The following PTPN21 variants were observed in gnomAD, a reference collection of about 807,000 sequenced individuals.
PTPN21 encodes protein tyrosine phosphatase non-receptor type 21, also known as tyrosine-protein phosphatase non-receptor type 21.
In PTPN21, 77 loss-of-function variants were observed where a neutral mutation model predicts 131.8. The observed-to-expected ratio is 0.58, with a 90% CI of 0.49 to 0.71. The LOEUF is 0.71. Ranked by LOEUF, PTPN21 falls within the 30% of genes least tolerant of loss-of-function variation. The pLI is 0.00. For missense variants in PTPN21, 1,552 were observed against 1,527.1 expected, an observed-to-expected ratio of 1.02 and a Z score of -0.27; for synonymous variants, 715 against 621.3, an observed-to-expected ratio of 1.15 and a Z score of -2.24.
intron 8 of PTPN21, 135 bp from the exon 9 acceptor site, chr14:88,497,425 A>G (rs2140125233): frequency 1.4e-6 from 1 of 689,888 alleles, no homozygotes; most frequent in Non-Finnish European, 2.5e-6. Flanking sequence ...CAAAAAACAA[A>G]AAACACGAGA....
chr14:88,490,166 G>A (rs910271016), intron 10 of PTPN21, among the ~76,000 whole-genome samples: 1 of 151,928 alleles, frequency 6.6e-6, no homozygotes, highest in South Asian at 2.1e-4. Flanking sequence ...CCGCCACCAC[G>A]CCAGGCTAAG....
chr14:88,520,913 G>A (rs2139321031), intron 2 of PTPN21, among the ~76,000 whole-genome samples: 1 of 152,162 alleles, frequency 6.6e-6, no homozygotes, highest in Non-Finnish European at 1.5e-5. Flanking sequence ...ACATGATCAC[G>A]GCTCACTGCA....
At chr14:88,533,514 C>T (rs999280747) in intron 2 of PTPN21, among the ~76,000 whole-genome samples, 68 of 152,204 alleles carry the variant, frequency 4.5e-4, no homozygotes, top group African/African-American at 1.5e-3. Flanking sequence ...TAACACTGGA[C>T]GATAATAAAT....
At chr14:88,473,120 A>G (rs887986516) in intron 14 of PTPN21, among the ~76,000 whole-genome samples, 18 of 152,124 alleles carry the variant, frequency 1.2e-4, no homozygotes, top group African/African-American at 4.3e-4. Context: ...CTATGAACAA[A>G]TGTTTCCATT....
In PTPN21 at chr14:88,470,032, C is replaced by G. The variant is rs747979607; in HGVS notation, c.2890G>C (p.Glu964Gln). 1.9e-6 allele frequency: 3 copies of G among 1,613,136 alleles called. No individual in the cohort carries two copies. Among genetic ancestry groups the G allele is most frequent in the Non-Finnish European group, 8.5e-7 (1 of 1,179,236 alleles). Residue 964 changes from glutamate to glutamine, a missense_variant, in exon 16 of 19, where the codon GAA becomes CAA. Physicochemically the swap from Glu to Gln is conservative, Grantham distance 29 (BLOSUM62 2). Coordinates refer to ENST00000556564, the MANE Select transcript of PTPN21 (RefSeq NM_007039.4). Reference protein sequence around the residue: ...SHIKVSVSGIEWDYIATQGPL... With the variant: ...SHIKVSVSGIQWDYIATQGPL... ...CCCTGTGTGGCAATATAATCCCATTCGATTCCACTGACAGAGACCTGGGAT... is the reference window on the plus strand; with the variant it reads ...CCCTGTGTGGCAATATAATCCCATTGGATTCCACTGACAGAGACCTGGGAT...
chr14:88,471,156 TG>T (rs1177130924), intron 15 of PTPN21, among the ~76,000 whole-genome samples: 1 of 152,192 alleles, frequency 6.6e-6, no homozygotes, highest in East Asian at 1.9e-4. Context: ...CAAGGGGTAC[TG>T]GCATTCACAG....
intron 2 of PTPN21, among the ~76,000 whole-genome samples, chr14:88,530,237 T>G (rs996105746): frequency 3.6e-5 from 5 of 138,016 alleles, no homozygotes; most frequent in Non-Finnish European, 6.8e-5. Context: ...TGAAACAATT[T>G]GCCACTACCA....
chr14:88,533,609 G>A (rs2078584281), intron 2 of PTPN21, among the ~76,000 whole-genome samples: 1 of 152,172 alleles, frequency 6.6e-6, no homozygotes, highest in Admixed American at 6.5e-5. Context: ...TAGGCCAGGT[G>A]CAGTAGCTCC....
intron 8 of PTPN21, among the ~76,000 whole-genome samples, chr14:88,497,602 T>C (rs1165015095): frequency 1.3e-5 from 2 of 151,320 alleles, no homozygotes; most frequent in Admixed American, 1.3e-4. Context: ...ACCCCGTCTC[T>C]ACTAAAAATA....
intron 13 of PTPN21, among the ~76,000 whole-genome samples, chr14:88,477,887 G>C (rs1293588540): frequency 6.6e-6 from 1 of 152,172 alleles, no homozygotes; most frequent in Admixed American, 6.5e-5. Flanking sequence ...GAGTTTAAAA[G>C]TTTCAGTGAA....
Position 88,550,217 on chromosome 14 carries a change from CA to C in PTPN21, c.180+20del, listed in dbSNP as rs1555391236. The C allele has an allele frequency of 6.2e-7, 1 of 1,606,970 alleles. No individual in the cohort carries two copies. Among genetic ancestry groups the C allele is most frequent in the Non-Finnish European group, 8.5e-7 (1 of 1,177,318 alleles). On this transcript the variant is annotated intron_variant, in intron 2 of 18. Transcript: ENST00000556564. ...GCTTGAGCCACCCGCGCCTGGCCTGCAGTGTCTTTAGGTGGCTTACCTCCCG... is the reference window on the plus strand; with the variant it reads ...GCTTGAGCCACCCGCGCCTGGCCTGCGTGTCTTTAGGTGGCTTACCTCCCG...
At position 88,552,915 on chromosome 14, in the gene PTPN21, C is replaced by T. The variant is rs141381386; in HGVS notation, c.-203+1736G>A. ...CATACTAAACACCCTTTCATGAGAT[C>T]AGATGGTGGGTTTCAATTTTACATA... On this transcript the variant is annotated intron_variant, in intron 1 of 18. Transcript: ENST00000556564. 3.3e-5 allele frequency among the ~76,000 whole-genome samples: 5 copies of T among 152,208 alleles called. No homozygotes were observed. In the East Asian group the frequency reaches 7.7e-4, roughly 23 times the overall value.
chr14:88,471,661 G>T (rs2077470910), intron 15 of PTPN21, among the ~76,000 whole-genome samples: 3 of 152,152 alleles, frequency 2.0e-5, no homozygotes, highest in South Asian at 4.1e-4. Flanking sequence ...TGGCACCTTG[G>T]TAAGTTGAAA....
chr14:88,489,660 T>A (rs1483520557), intron 10 of PTPN21, among the ~76,000 whole-genome samples: 1 of 152,050 alleles, frequency 6.6e-6, no homozygotes, highest in Non-Finnish European at 1.5e-5. Flanking sequence ...TTTAAAAAAA[T>A]AAATAAATAA....
At chr14:88,484,791 G>T (rs567331806) in intron 12 of PTPN21, among the ~76,000 whole-genome samples, 1 of 152,252 alleles carries the variant, frequency 6.6e-6, no homozygotes, top group South Asian at 2.1e-4. Context: ...GGGAAGCTGA[G>T]GCACAAGAAT....
chr14:88,486,361 A>G (rs1046876286), intron 10 of PTPN21, among the ~76,000 whole-genome samples: 1 of 152,210 alleles, frequency 6.6e-6, no homozygotes, highest in Non-Finnish European at 1.5e-5. Context: ...ACCACAGACT[A>G]CAAACATAAT....
intron 2 of PTPN21, among the ~76,000 whole-genome samples, chr14:88,537,858 C>T (rs565627541): frequency 6.6e-6 from 1 of 152,264 alleles, no homozygotes; most frequent in East Asian, 1.9e-4. Flanking sequence ...TGCTGCTAGG[C>T]TACAAACCTG....
At position 88,484,966 on chromosome 14, in the gene PTPN21, T is replaced by C. The variant is rs2077711081; in HGVS notation, c.1078+110A>G. On this transcript the variant is annotated intron_variant, in intron 12 of 18. Coordinates refer to ENST00000556564, the MANE Select transcript of PTPN21 (RefSeq NM_007039.4). ...AGGATAGCTATTATCATGATGCAATTTGGGGTGCAACTTCAGCCAAAAACT... is the reference window on the plus strand; with the variant it reads ...AGGATAGCTATTATCATGATGCAATCTGGGGTGCAACTTCAGCCAAAAACT... 3 of 794,460 alleles carry C rather than the reference T, an allele frequency of 3.8e-6. No homozygotes were observed. In the Admixed American group the frequency reaches 6.1e-5, roughly 16 times the overall value. 49.2% of individuals were successfully genotyped at this position (794,460 alleles called of 1,614,324 possible). A position where few individuals can be genotyped will look rare whatever the true frequency, so the allele number is the denominator to read the frequency against.
chr14:88,502,805 G>A (rs1566829196), intron 6 of PTPN21, among the ~76,000 whole-genome samples: 1 of 152,130 alleles, frequency 6.6e-6, no homozygotes, highest in Non-Finnish European at 1.5e-5. Flanking sequence ...TAATCCCAGG[G>A]TAATGAACTT....
Sources: gnomAD v4.1 joint callset for allele counts (sites outside exome capture counted in the v4.1 genomes callset) on GRCh38, gnomAD v4.1.1 for gene constraint, MANE v1.5 for transcripts, NCBI Gene and HGNC (gene_info 2026-07-23, HGNC 2026-07-21) for gene names.